Variants in CYP11A1 observed in about 807,000 individuals in gnomAD.
CYP11A1 encodes the protein cytochrome P450 family 11 subfamily A member 1.
CYP11A1 carries 25 observed loss-of-function variants against 51.9 expected under a neutral mutation model. The observed-to-expected ratio is 0.48, with a 90% CI of 0.35 to 0.67. The LOEUF (loss-of-function observed/expected upper bound fraction) is 0.67, where lower values mean the gene tolerates loss of function less well. CYP11A1 is among the 30% of genes least tolerant of loss of function. CYP11A1 has a pLI of 0.00. For synonymous variants in CYP11A1, 245 were observed against 262.1 expected (o/e 0.93, Z 0.63); for missense variants, 578 against 680.9 (o/e 0.85, Z 1.68).
intron 5 of CYP11A1, among the ~76,000 whole-genome samples, chr15:74,339,976 C>T (rs2060599087): frequency 6.6e-6 from 1 of 152,240 alleles, no homozygotes; most frequent in Admixed American, 6.5e-5. Flanking sequence ...ACATTCAGGG[C>T]AGCACTTGTC....
chr15:74,349,895 G>A, intron 1 of CYP11A1, among the ~76,000 whole-genome samples: 1 of 152,078 alleles, frequency 6.6e-6, no homozygotes, highest in East Asian at 1.9e-4. Flanking sequence ...AGGCTACAGT[G>A]AGCCTATGAT....
intron 1 of CYP11A1, among the ~76,000 whole-genome samples, chr15:74,351,374 G>A (rs1441477416): frequency 6.6e-6 from 1 of 152,042 alleles, no homozygotes; most frequent in African/African-American, 2.4e-5. Flanking sequence ...GGTGCTGCTC[G>A]GAGCAAACTC....
Position 74,338,649 on chromosome 15 carries a change from G to A in CYP11A1, c.1356C>T (p.Asn452=). 23 of 1,614,210 alleles carry A rather than the reference G, an allele frequency of 1.4e-5. No homozygotes were observed. The highest frequency in any genetic ancestry group is 1.9e-5 in the Non-Finnish European group (23 of 1,180,038). ...GCCGCACACCCCAGCCAAAGCCCAA[G>A]TTCCGGAAGTAGGTGATGTTCTTGT... ...SKDKNITYFR[N]LGFGWGVRQC... Residue 452 remains asparagine (N), a synonymous_variant, in exon 8 of 9, where the codon AAC becomes AAT. Transcript: ENST00000268053.
chr15:74,347,562 C>G (rs1263689636), intron 2 of CYP11A1, among the ~76,000 whole-genome samples: 1 of 152,196 alleles, frequency 6.6e-6, no homozygotes, highest in Non-Finnish European at 1.5e-5. Flanking sequence ...GTCACTGTAT[C>G]TCCAGTTCCT....
chr15:74,366,236 C>CTT (rs1325389655), intron 1 of CYP11A1: 2 of 983,712 alleles, frequency 2.0e-6, no homozygotes, highest in East Asian at 2.3e-4. Context: ...ACGCTGCGAC[C>CTT]TTTTCACTCT....
intron 1 of CYP11A1, among the ~76,000 whole-genome samples, chr15:74,351,254 C>A (rs1478251308): frequency 6.6e-6 from 1 of 152,132 alleles, no homozygotes; most frequent in African/African-American, 2.4e-5. Flanking sequence ...GCTGGGGTCA[C>A]CAGTACTGCC....
Position 74,343,015 on chromosome 15 carries a change from C to T in CYP11A1, c.952G>A (p.Ala318Thr). 6.2e-7 allele frequency: 1 copy of T among 1,612,862 alleles called. No homozygotes were observed. ...DSKMSFEDIK[A>T]NVTEMLAGGV... ...CCTGCCAGCATCTCTGTGACGTTGG[C>T]CTTGATGTCCTCGAAGGACATCTTG... The change falls in exon 5 of 9, where the codon GCC (alanine) becomes ACC (threonine). Residue 318 changes from alanine to threonine, a missense_variant. Coordinates refer to ENST00000268053, the MANE Select transcript of CYP11A1 (RefSeq NM_000781.3).
intron 1 of CYP11A1, among the ~76,000 whole-genome samples, chr15:74,359,778 C>T (rs1426683684): frequency 2.6e-5 from 4 of 152,122 alleles, no homozygotes; most frequent in African/African-American, 4.8e-5. Context: ...CACAGGGACA[C>T]GCGTGAAAGA....
intron 3 of CYP11A1, among the ~76,000 whole-genome samples, chr15:74,344,595 G>A (rs2060623214): frequency 6.6e-6 from 1 of 152,150 alleles, no homozygotes; most frequent in South Asian, 2.1e-4. Context: ...TATACTGCCT[G>A]ACTTCCTTAC....
intron 1 of CYP11A1, among the ~76,000 whole-genome samples, chr15:74,355,641 A>C (rs1465775928): frequency 6.6e-6 from 1 of 151,780 alleles, no homozygotes; most frequent in Non-Finnish European, 1.5e-5. Flanking sequence ...TAATCCTTCT[A>C]TCACCCCCTC....
At position 74,345,507 on chromosome 15, in the gene CYP11A1, A is replaced by G. The variant is rs1203488707; in HGVS notation, c.426-264T>C. 6.6e-6 allele frequency among the ~76,000 whole-genome samples: 1 copy of G among 152,214 alleles called. No individual in the cohort carries two copies. The highest frequency in any genetic ancestry group is 1.5e-5 in the Non-Finnish European group (1 of 68,038). On this transcript the variant is annotated intron_variant, in intron 2 of 8. Transcript: ENST00000268053. The surrounding 1 kb of genome is among the most constrained non-coding windows in gnomAD (Gnocchi z 4.3). ...CCCTCCACTCCCTCTGCTGAGGGCCAGGAACTGATATTCTTAGAACCCTTT... is the reference window on the plus strand; with the variant it reads ...CCCTCCACTCCCTCTGCTGAGGGCCGGGAACTGATATTCTTAGAACCCTTT...
At chr15:74,357,412 A>G (rs1445229962) in intron 1 of CYP11A1, among the ~76,000 whole-genome samples, 1 of 152,164 alleles carries the variant, frequency 6.6e-6, no homozygotes, top group African/African-American at 2.4e-5. Flanking sequence ...ACGTCCAGCT[A>G]ATCTCACAAA....
intron 1 of CYP11A1, among the ~76,000 whole-genome samples, chr15:74,352,101 CATAAA>C (rs1384636821): frequency 6.6e-6 from 1 of 152,016 alleles, no homozygotes; most frequent in Non-Finnish European, 1.5e-5. Context: ...AAAGAGCACT[CATAAA>C]TTAAGTAAAT....
intron 1 of CYP11A1, among the ~76,000 whole-genome samples, chr15:74,359,028 G>A (rs754846460): frequency 6.6e-5 from 10 of 152,116 alleles, no homozygotes; most frequent in Non-Finnish European, 1.2e-4. Context: ...CTCTCTAATC[G>A]GATGTCCTGG....
rs911515332 is a variant in CYP11A1 at position 74,345,726 on chromosome 15, G to A, written c.426-483C>T. Among the ~76,000 whole-genome samples the A allele has an allele frequency of 2.6e-5, 4 of 152,102 alleles. No individual in the cohort carries two copies. Among genetic ancestry groups the A allele is most frequent in the African/African-American group, 9.7e-5 (4 of 41,418 alleles). ...CCAACACGTCCCATTACTCACTTCT[G>A]TCGGGGGACCTCAGGTGCCCCGAAC... On this transcript the variant is annotated intron_variant, in intron 2 of 8. Coordinates refer to ENST00000268053, the MANE Select transcript of CYP11A1 (RefSeq NM_000781.3). The surrounding 1 kb of genome is among the most constrained non-coding windows in gnomAD (Gnocchi z 4.3).
intron 1 of CYP11A1, chr15:74,365,879 G>C (rs2060730066): frequency 1.0e-6 from 1 of 985,438 alleles, no homozygotes; most frequent in South Asian, 4.6e-5. Flanking sequence ...CCTCCTGGCA[G>C]GGCCAGCGAA....
chr15:74,339,531 C>T (rs1259278634), intron 6 of CYP11A1, 56 bp downstream of exon 6: 1 of 1,598,946 alleles, frequency 6.3e-7, no homozygotes, highest in East Asian at 2.2e-5. Flanking sequence ...CCGGGCACTT[C>T]CCTGGCCCTG....
chr15:74,339,106 C>T (rs2060593622), intron 7 of CYP11A1, 131 bp downstream of exon 7: 1 of 795,386 alleles, frequency 1.3e-6, no homozygotes, highest in Non-Finnish European at 2.2e-6. Flanking sequence ...ACCACCTCTG[C>T]CCTTCATTCA....
rs769808230 is a variant in CYP11A1, at chr15:74,367,560, C to T, written c.26G>A (p.Arg9His). The change falls in exon 1 of 9, where the codon CGC becomes CAC. Residue 9 changes from arginine (R) to histidine (H), a missense_variant. Transcript: ENST00000268053. MLAKGLPPRSVLVKGCQTF... is the reference protein window; with the variant it reads MLAKGLPPHSVLVKGCQTF... ...CTGGCAGCCTTTGACCAGGACTGAG[C>T]GTGGGGGAAGACCCTTGGCCAGCAT... 20 of 1,613,856 alleles carry T rather than the reference C, an allele frequency of 1.2e-5. No homozygotes were observed. The highest frequency in any genetic ancestry group is 1.7e-4 in the Middle Eastern group (1 of 5,990).
Sources: gnomAD v4.1 joint callset for allele counts (sites outside exome capture counted in the v4.1 genomes callset) on GRCh38, gnomAD v4.1.1 for gene constraint, Gnocchi (gnomAD v3.1) non-coding constraint, MANE v1.5 for transcripts, NCBI Gene and HGNC (gene_info 2026-07-23, HGNC 2026-07-21) for gene names.